The following SLC41A3 variants were observed in gnomAD, a reference collection of about 807,000 sequenced individuals.
The protein encoded by SLC41A3 is SLC41A1-like 2.
Under a neutral mutation model 45.4 loss-of-function variants are expected in SLC41A3, and 44 were observed. The ratio of observed to expected loss-of-function variants is 0.97; its 90% CI spans 0.76 to 1.25. The LOEUF (loss-of-function observed/expected upper bound fraction) is 1.25, where lower values mean the gene tolerates loss of function less well. SLC41A3 is among the 50% of genes most tolerant of loss of function. SLC41A3 has a pLI of 0.00. For synonymous variants in SLC41A3, 256 were observed against 252.4 expected (o/e 1.01, Z -0.13); for missense variants, 550 against 600.6 (o/e 0.92, Z 0.88).
At chr3:126,067,875 C>A (rs146022301) in intron 2 of SLC41A3, 72 bp downstream of exon 2, 19,714 of 1,490,334 alleles carry the variant, frequency 0.013, 151 homozygotes, top group Non-Finnish European at 0.015. Flanking sequence ...CTCAACCTTA[C>A]ATGCAGCTGC....
rs1944452189 is a variant in SLC41A3, at chr3:126,068,238, C to G, written c.-19G>C. 6.7e-7 allele frequency: 1 copy of G among 1,500,938 alleles called. No individual in the cohort carries two copies. The highest frequency in any genetic ancestry group is 2.3e-5 in the Admixed American group (1 of 44,078). The allele number at this position is 1,500,938 out of a possible 1,614,324, so 93.0% of individuals were successfully genotyped here. ...CATCCATCTGGGCACAGCTGGGCGCCTGGCAGCCCTACAGTGGGAGACACA... is the reference window on the plus strand; with the variant it reads ...CATCCATCTGGGCACAGCTGGGCGCGTGGCAGCCCTACAGTGGGAGACACA... On this transcript the variant is annotated 5_prime_UTR_variant, in exon 2 of 11. Transcript: ENST00000360370.
At chr3:126,089,816 A>T (rs1475355232) in intron 1 of SLC41A3, among the ~76,000 whole-genome samples, 2 of 152,226 alleles carry the variant, frequency 1.3e-5, no homozygotes, top group African/African-American at 4.8e-5. Flanking sequence ...AATGGTTTAC[A>T]TAGAATCTTG....
chr3:126,055,424 G>A (rs1168075487), intron 2 of SLC41A3, among the ~76,000 whole-genome samples: 1 of 152,142 alleles, frequency 6.6e-6, no homozygotes, highest in African/African-American at 2.4e-5. Flanking sequence ...TGAGGCAGGA[G>A]AATCATTTGA....
At chr3:126,072,496 T>C (rs991636308) in intron 1 of SLC41A3, among the ~76,000 whole-genome samples, 1 of 151,006 alleles carries the variant, frequency 6.6e-6, no homozygotes, top group Admixed American at 6.6e-5. Flanking sequence ...AAATTAGGAA[T>C]GAAAGAGGAA....
intron 7 of SLC41A3, among the ~76,000 whole-genome samples, chr3:126,016,423 G>A (rs935834175): frequency 1.3e-5 from 2 of 152,356 alleles, no homozygotes; most frequent in Admixed American, 6.5e-5. Context: ...CCTGAAAGCC[G>A]CTGTCTCCCT....
chr3:126,054,787 C>T (rs6798580), intron 2 of SLC41A3, among the ~76,000 whole-genome samples: 20,951 of 151,908 alleles, frequency 0.14, 1,627 homozygotes, highest in African/African-American at 0.18. Flanking sequence ...CCCAGCCCTC[C>T]GGAACGCCTA....
intron 1 of SLC41A3, among the ~76,000 whole-genome samples, chr3:126,094,467 C>T (rs572903430): frequency 4.6e-5 from 7 of 152,008 alleles, no homozygotes; most frequent in South Asian, 2.1e-4. Flanking sequence ...CTCCAGTTTT[C>T]GTAATTAAGA....
chr3:126,068,333 C>G, intron 1 of SLC41A3, 87 bp from the exon 2 acceptor site: 2 of 1,285,740 alleles, frequency 1.6e-6, no homozygotes, highest in Non-Finnish European at 2.0e-6. Flanking sequence ...CTGTCCAGCC[C>G]CAGGCCGGCA....
chr3:126,026,387 C>A lies in SLC41A3; in HGVS notation c.546G>T (p.Glu182Asp). 6.3e-7 allele frequency: 1 copy of A among 1,582,744 alleles called. No homozygotes were observed. Among genetic ancestry groups the A allele is most frequent in the Non-Finnish European group, 8.6e-7 (1 of 1,163,406 alleles). ...TGAGGACACTGCTGGCACACAGCAA[C>A]TCCACCTTGGCGACATCCACTTCCT... ...SREEVDVAKV[E>D]LLCASSVLTA... Residue 182 changes from glutamate to aspartate, a missense_variant, in exon 5 of 11, where the codon GAG (glutamate) becomes GAT (aspartate). Glu to Asp is a conservative substitution (Grantham distance 45). Transcript: ENST00000360370. The surrounding 1 kb of genome is among the most constrained non-coding windows in gnomAD (Gnocchi z 4.2).
chr3:126,086,957 C>T (rs941833339), upstream of SLC41A3, among the ~76,000 whole-genome samples: 9 of 152,038 alleles, frequency 5.9e-5, no homozygotes, highest in Admixed American at 1.3e-4. Flanking sequence ...TTCAAGTTCA[C>T]GTGACAAGTA....
chr3:126,049,601 G>A (rs745538021), intron 3 of SLC41A3, among the ~76,000 whole-genome samples: 3 of 152,164 alleles, frequency 2.0e-5, no homozygotes, highest in African/African-American at 7.2e-5. Flanking sequence ...GTGCACACAC[G>A]TATGCATGTG....
intron 6 of SLC41A3, among the ~76,000 whole-genome samples, chr3:126,021,043 C>T (rs561372825): frequency 4.1e-4 from 63 of 152,194 alleles, no homozygotes; most frequent in Non-Finnish European, 6.9e-4. Context: ...TACAGGCGCC[C>T]GCCACCATGC....
chr3:126,069,310 G>A (rs1456711593), intron 1 of SLC41A3, among the ~76,000 whole-genome samples: 1 of 152,014 alleles, frequency 6.6e-6, no homozygotes, highest in African/African-American at 2.4e-5. Flanking sequence ...TGCACACAGA[G>A]CCACTGGGTA....
intron 4 of SLC41A3, among the ~76,000 whole-genome samples, chr3:126,029,244 G>A (rs1049847151): frequency 6.6e-6 from 1 of 152,208 alleles, no homozygotes; most frequent in Non-Finnish European, 1.5e-5. Context: ...CCCAATGTTG[G>A]AGGTGGAGCC....
At chr3:126,042,732 C>T (rs915219331) in intron 3 of SLC41A3, among the ~76,000 whole-genome samples, 1 of 151,920 alleles carries the variant, frequency 6.6e-6, no homozygotes, top group Non-Finnish European at 1.5e-5. Context: ...AACAGAAATA[C>T]TGGAACTGAA....
intron 1 of SLC41A3, among the ~76,000 whole-genome samples, chr3:126,069,943 T>A (rs1394698227): frequency 1.4e-5 from 2 of 147,870 alleles, no homozygotes; most frequent in African/African-American, 2.5e-5. Context: ...AGAACGGAAA[T>A]GAAAAAGAAT....
In SLC41A3 at chr3:126,026,436, A is replaced by T; in HGVS notation, c.497T>A (p.Leu166Gln). 1 of 1,600,362 alleles carries T rather than the reference A, an allele frequency of 6.2e-7. No homozygotes were observed. The highest frequency in any genetic ancestry group is 8.5e-7 in the Non-Finnish European group (1 of 1,173,376). The part of the protein sequence containing the change: ...VVGLLAAVAA[L>Q]LLGVVSREEV... ...CTCTCGAGACACCACGCCCAACAGC[A>T]GCGCAGCCACAGCAGCCAAGAGCCC... The change falls in exon 5 of 11, where the codon CTG becomes CAG. Residue 166 changes from leucine to glutamine, a missense_variant. Transcript: ENST00000360370. This position sits in a 1 kb window ranked among gnomAD's most constrained non-coding sequence, Gnocchi z 4.2.
At chr3:126,050,771 A>T in intron 3 of SLC41A3, 172 bp downstream of exon 3, 1 of 1,201,024 alleles carries the variant, frequency 8.3e-7, no homozygotes, top group Non-Finnish European at 1.1e-6. Flanking sequence ...GTGGAAAGCC[A>T]AGGCATTGGG....
chr3:126,054,043 C>T (rs902006025), intron 2 of SLC41A3, among the ~76,000 whole-genome samples: 2 of 152,160 alleles, frequency 1.3e-5, no homozygotes, highest in African/African-American at 4.8e-5. Context: ...CACAGTCCCC[C>T]AGCTCTCCCC....
Sources: allele counts gnomAD v4.1 joint callset (sites outside exome capture counted in the v4.1 genomes callset), GRCh38; gene constraint gnomAD v4.1.1; non-coding constraint Gnocchi (gnomAD v3.1); transcripts MANE v1.5; gene names NCBI Gene and HGNC (gene_info 2026-07-23, HGNC 2026-07-21).